The following ADCK1 variants were observed in gnomAD, a reference collection of about 807,000 sequenced individuals.
The protein encoded by ADCK1 is aarF domain-containing protein kinase 1.
In ADCK1, 41 loss-of-function variants were observed where a neutral mutation model predicts 52.3. The observed-to-expected ratio is 0.78, with a 90% CI of 0.61 to 1.02. The LOEUF (loss-of-function observed/expected upper bound fraction) is 1.02, where lower values mean the gene tolerates loss of function less well. Among genes scored for constraint, ADCK1 ranks in the 50% least tolerant of loss-of-function variants. The probability of loss-of-function intolerance (pLI) is 0.00; values close to 1 mark genes in which losing one functional copy is unlikely to be tolerated. For missense variants in ADCK1, 658 were observed against 679.5 expected, an observed-to-expected ratio of 0.97 and a Z score of 0.35; for synonymous variants, 250 against 274.6, an observed-to-expected ratio of 0.91 and a Z score of 0.89.
intron 1 of ADCK1, among the ~76,000 whole-genome samples, chr14:77,811,839 G>A (rs1009228189): frequency 6.6e-6 from 1 of 151,972 alleles, no homozygotes; most frequent in Non-Finnish European, 1.5e-5. Flanking sequence ...GAAAAACAAT[G>A]ATAACACCCA....
In ADCK1 at chr14:77,887,089, A is replaced by G; in HGVS notation, c.424-2A>G. ...TTGCTCTGTTCTCTCCACTCCCGACAGATCCATGATTTGTTCCAGAGCTTC... is the reference window on the plus strand; with the variant it reads ...TTGCTCTGTTCTCTCCACTCCCGACGGATCCATGATTTGTTCCAGAGCTTC... On this transcript the variant is annotated splice_acceptor_variant, in intron 4 of 10. Transcript: ENST00000238561. LOFTEE classifies it high-confidence loss of function. 6.3e-7 allele frequency: 1 copy of G among 1,577,068 alleles called. No homozygotes were observed.
At chr14:77,872,677 CTT>C (rs35569874) in intron 4 of ADCK1, among the ~76,000 whole-genome samples, 73 of 140,866 alleles carry the variant, frequency 5.2e-4, no homozygotes, top group Middle Eastern at 3.7e-3. Flanking sequence ...TTCCCCACTC[CTT>C]TTTTTTTTTT....
At chr14:77,815,335 A>G (rs998508784) in intron 1 of ADCK1, among the ~76,000 whole-genome samples, 1 of 150,886 alleles carries the variant, frequency 6.6e-6, no homozygotes, top group Non-Finnish European at 1.5e-5. Context: ...CATTTTGAGT[A>G]GCTGGGACTT....
chr14:77,831,414 G>A (rs116839815), intron 3 of ADCK1, among the ~76,000 whole-genome samples: 1,849 of 152,144 alleles, frequency 0.012, 36 homozygotes, highest in African/African-American at 0.043. Flanking sequence ...TGGGAGGGGA[G>A]GTAGCTGTAA....
At chr14:77,854,613 GT>G (rs2082379955) in intron 3 of ADCK1, among the ~76,000 whole-genome samples, 1 of 147,610 alleles carries the variant, frequency 6.8e-6, no homozygotes, top group Non-Finnish European at 1.5e-5. Flanking sequence ...CTGGAGTGTA[GT>G]GGTGTGATCT....
chr14:77,914,302 T>C lies in ADCK1; in HGVS notation c.858+6383T>C, dbSNP rs549806519. 2.1e-5 allele frequency: 13 copies of C among 605,558 alleles called. No homozygotes were observed. The East Asian group carries it at 1.8e-3, about 86-fold the overall frequency. 37.5% of individuals were successfully genotyped at this position (605,558 alleles called of 1,614,324 possible). On this transcript the variant is annotated intron_variant, in intron 7 of 10. Coordinates refer to ENST00000238561, the MANE Select transcript of ADCK1 (RefSeq NM_020421.4). ...GTTGTGGTGGGGTCTTTGCCTTCTT[T>C]ACTACTTTTAGAGTCACTTTAGTGG... is the stretch of plus-strand genomic sequence containing the variant.
chr14:77,931,424 G>T (rs2084330571), intron 9 of ADCK1, 94 bp from the exon 10 acceptor site: 3 of 1,328,524 alleles, frequency 2.3e-6, no homozygotes, highest in Non-Finnish European at 3.1e-6. Flanking sequence ...GGGCTTCTTT[G>T]CAGCCCTCTG....
chr14:77,930,328 G>T (rs1156349135), intron 9 of ADCK1, among the ~76,000 whole-genome samples: 2 of 152,216 alleles, frequency 1.3e-5, no homozygotes, highest in Non-Finnish European at 2.9e-5. Context: ...GAGCCCTGCT[G>T]CTTCGGAGAG....
chr14:77,886,934 A>G lies in ADCK1; in HGVS notation c.424-157A>G, dbSNP rs1410253410. Among the ~76,000 whole-genome samples, 1,172 of 125,542 alleles carry G rather than the reference A, an allele frequency of 9.3e-3. 14 individuals carry two copies. The highest frequency in any genetic ancestry group is 0.032 in the African/African-American group (1,102 of 34,710). The allele number at this position is 125,542 out of a possible 152,430, so 82.4% of individuals were successfully genotyped here. ...CACACACACACACACACACACACAC[A>G]CACACACGCACAACACACACACACA... On this transcript the variant is annotated intron_variant, in intron 4 of 10. Coordinates refer to ENST00000238561, the MANE Select transcript of ADCK1 (RefSeq NM_020421.4).
At position 77,822,512 on chromosome 14, in the gene ADCK1, A is replaced by T; in HGVS notation, c.213A>T (p.Arg71Ser). 1 of 1,613,232 alleles carries T rather than the reference A, an allele frequency of 6.2e-7. No homozygotes were observed. Among genetic ancestry groups the T allele is most frequent in the Non-Finnish European group, 8.5e-7 (1 of 1,179,244 alleles). ...GCTCAGAGGAGTACTTGCAGCTGAG[A>T]TCTAAGGTAAGTAACCCATGGGACC... The part of the protein sequence containing the change: ...PYGSEEYLQL[R>S]SKVHLRSARR... Residue 71 changes from arginine (R) to serine (S), a missense_variant, in exon 3 of 11, where the codon AGA becomes AGT. By Grantham distance (110) the Arg-to-Ser change is moderately radical (BLOSUM62 -1). Coordinates refer to ENST00000238561, the MANE Select transcript of ADCK1 (RefSeq NM_020421.4).
rs2082487095 is a variant in ADCK1, at chr14:77,859,116, G to T, written c.260G>T (p.Cys87Phe). ...RSARRLCELC[C>F]ANRGTFIKVG... ...GCCAGGCGTCTCTGTGAGCTCTGCT[G>T]TGCCAACCGGGGCACCTTCATCAAG... The change falls in exon 4 of 11, where the codon TGT becomes TTT. Residue 87 changes from cysteine to phenylalanine, a missense_variant. Cys to Phe is a radical substitution (Grantham distance 205). Coordinates refer to ENST00000238561, the MANE Select transcript of ADCK1 (RefSeq NM_020421.4). 5 of 1,612,560 alleles carry T rather than the reference G, an allele frequency of 3.1e-6. No individual in the cohort carries two copies. The highest frequency in any genetic ancestry group is 4.2e-6 in the Non-Finnish European group (5 of 1,179,756).
At chr14:77,898,616 GA>G (rs199911106) in intron 5 of ADCK1, among the ~76,000 whole-genome samples, 4,865 of 152,080 alleles carry the variant, frequency 0.032, 149 homozygotes, top group South Asian at 0.12. Context: ...ACAGGGAGGG[GA>G]ACAACACACC....
At chr14:77,921,326 C>CAAAAAGAAAAAAAAAAAAAAAAAA (rs2084048582) in intron 7 of ADCK1, among the ~76,000 whole-genome samples, 1 of 41,208 alleles carries the variant, frequency 2.4e-5, no homozygotes, top group African/African-American at 6.9e-5. Flanking sequence ...GACTCTGTCT[C>CAAAAAGAAAAAAAAAAAAAAAAAA]AAAAAAAAAA....
rs975477223 is a variant in ADCK1, at chr14:77,886,986, T to A, written c.424-105T>A. Reference sequence around the variant, plus strand: ...TCTCTCTCTCTTTCTCTCTCAAATCTGTCCTGGGGGCACTAGGCAGCCCTG... The same window carrying A: ...TCTCTCTCTCTTTCTCTCTCAAATCAGTCCTGGGGGCACTAGGCAGCCCTG... On this transcript the variant is annotated intron_variant, in intron 4 of 10. Transcript: ENST00000238561. 4 of 1,236,450 alleles carry A rather than the reference T, an allele frequency of 3.2e-6. No individual in the cohort carries two copies. The African/African-American group carries it at 6.2e-5, about 19-fold the overall frequency. 76.6% of individuals were successfully genotyped at this position (1,236,450 alleles called of 1,614,324 possible). A position where few individuals can be genotyped will look rare whatever the true frequency, so the allele number is the denominator to read the frequency against.
At chr14:77,868,803 A>G (rs1031562499) in intron 4 of ADCK1, among the ~76,000 whole-genome samples, 3 of 152,238 alleles carry the variant, frequency 2.0e-5, no homozygotes, top group Non-Finnish European at 2.9e-5. Context: ...TTTGTAGAGC[A>G]ACTGCTATTC....
At chr14:77,860,442 T>C (rs2082519384) in intron 4 of ADCK1, among the ~76,000 whole-genome samples, 1 of 152,204 alleles carries the variant, frequency 6.6e-6, no homozygotes, top group South Asian at 2.1e-4. Flanking sequence ...TGGCACTGAC[T>C]ATTGGTCCCT....
chr14:77,859,315 G>A lies in ADCK1; in HGVS notation c.423+36G>A, dbSNP rs1429830240. ...TTGCAGGGGGGATGGGCCTTGGTTG[G>A]GATGCTTCAGAAAAGGCCCCGGCTG... On this transcript the variant is annotated intron_variant, in intron 4 of 10. Coordinates refer to ENST00000238561, the MANE Select transcript of ADCK1 (RefSeq NM_020421.4). 3 of 1,590,332 alleles carry A rather than the reference G, an allele frequency of 1.9e-6. No individual in the cohort carries two copies. In the South Asian group the frequency reaches 3.4e-5, roughly 18 times the overall value.
intron 4 of ADCK1, among the ~76,000 whole-genome samples, chr14:77,874,033 T>C (rs1869256141): frequency 6.6e-6 from 1 of 152,206 alleles, no homozygotes; most frequent in Non-Finnish European, 1.5e-5. Flanking sequence ...GTGAGGTGAC[T>C]TCGCTGAGGT....
chr14:77,933,643 T>C lies in ADCK1; in HGVS notation c.*252T>C. The C allele has an allele frequency of 2.1e-6, 1 of 479,954 alleles. No homozygotes were observed. Among genetic ancestry groups the C allele is most frequent in the Non-Finnish European group, 3.7e-6 (1 of 268,756 alleles). The allele number at this position is 479,954 out of a possible 1,614,324, so 29.7% of individuals were successfully genotyped here. A position where few individuals can be genotyped will look rare whatever the true frequency, so the allele number is the denominator to read the frequency against. On this transcript the variant is annotated 3_prime_UTR_variant, in exon 11 of 11. Coordinates refer to ENST00000238561, the MANE Select transcript of ADCK1 (RefSeq NM_020421.4). ...ACTCAGCAGCCTACATTCCCATTCC[T>C]GGTATGTGCCATTGGGTTGGATGTC...
Sources: gnomAD v4.1 joint callset for allele counts (sites outside exome capture counted in the v4.1 genomes callset) on GRCh38, gnomAD v4.1.1 for gene constraint, MANE v1.5 for transcripts, NCBI Gene and HGNC (gene_info 2026-07-23, HGNC 2026-07-21) for gene names.